The following SELENON variants were observed in gnomAD, a reference collection of about 807,000 sequenced individuals.
SELENON encodes selenoprotein N, 1.
A neutral mutation model predicts 59.5 loss-of-function variants in SELENON; 44 were observed. The observed-to-expected ratio is 0.74, with a 90% confidence interval of 0.58 to 0.95. The LOEUF (loss-of-function observed/expected upper bound fraction) is 0.95, where lower values mean the gene tolerates loss of function less well. Ranked by LOEUF, SELENON falls within the 40% of genes least tolerant of loss-of-function variation. The pLI, the probability that SELENON is intolerant of heterozygous loss-of-function variation, is 0.00. For synonymous variants in SELENON, 320 were observed against 305.6 expected (o/e 1.05, Z -0.49); for missense variants, 674 against 721.4 (o/e 0.93, Z 0.75).
intron 12 of SELENON, among the ~76,000 whole-genome samples, chr1:25,814,430 C>T (rs775303555): frequency 9.2e-5 from 14 of 152,212 alleles, no homozygotes; most frequent in Middle Eastern, 3.2e-3. Context: ...GCAGAGTCAG[C>T]GCCTCCCTAG....
In SELENON at chr1:25,815,568, C is replaced by T. The variant is rs199911454; in HGVS notation, c.1623C>T (p.Asn541=). ...CCCAGGTCCATCACATCAATGCCAA[C>T]TACTTCTTGGACATCACCTCCGTGA... The change falls in exon 13 of 13, where the codon AAC becomes AAT. Residue 541 remains asparagine (N), a synonymous_variant. Coordinates refer to ENST00000361547, the MANE Select transcript of SELENON (RefSeq NM_020451.3). 7.6e-4 allele frequency: 1,233 copies of T among 1,614,196 alleles called. 1 individual carries two copies. Among genetic ancestry groups the T allele is most frequent in the Non-Finnish European group, 9.0e-4 (1,061 of 1,180,032 alleles).
chr1:25,815,165 C>G (rs2124456228), intron 12 of SELENON, among the ~76,000 whole-genome samples: 1 of 152,062 alleles, frequency 6.6e-6, no homozygotes, highest in East Asian at 1.9e-4. Flanking sequence ...GAGCGAGAGG[C>G]CAAAGGAGAG....
At chr1:25,810,116 GC>G (rs2047945916) in intron 7 of SELENON, among the ~76,000 whole-genome samples, 1 of 152,180 alleles carries the variant, frequency 6.6e-6, no homozygotes, top group African/African-American at 2.4e-5. Context: ...CTGCTGACAG[GC>G]CCCAGGCAGA....
At position 25,817,414 on chromosome 1, in the gene SELENON, C is replaced by T. The variant is rs965064418; in HGVS notation, c.*1696C>T. 1 of 152,222 alleles carries T rather than the reference C, an allele frequency of 6.6e-6. No homozygotes were observed. Among genetic ancestry groups the T allele is most frequent in the Non-Finnish European group, 1.5e-5 (1 of 68,078 alleles). 9.4% of individuals were successfully genotyped at this position (152,222 alleles called of 1,614,324 possible). On this transcript the variant is annotated 3_prime_UTR_variant, in exon 13 of 13. Coordinates refer to ENST00000361547, the MANE Select transcript of SELENON (RefSeq NM_020451.3). ...ATTTTTAGTAGAGATGGGGTTTCAC[C>T]ATATTGGTCAGGCTGATCTGGAACT... is the stretch of plus-strand genomic sequence containing the variant.
chr1:25,808,613 T>G lies in SELENON; in HGVS notation c.571T>G (p.Trp191Gly), dbSNP rs2047929631. The change falls in exon 5 of 13, where the codon TGG becomes GGG. Residue 191 changes from tryptophan (W) to glycine (G), a missense_variant. Transcript: ENST00000361547. ...CCTCGCCCTGTCCGGCCTCCGAAACTGGACAGCCGCCGCCTCACCAAGTGC... is the reference window on the plus strand; with the variant it reads ...CCTCGCCCTGTCCGGCCTCCGAAACGGGACAGCCGCCGCCTCACCAAGTGC... 1 of 1,613,464 alleles carries G rather than the reference T, an allele frequency of 6.2e-7. No individual in the cohort carries two copies. Among genetic ancestry groups the G allele is most frequent in the South Asian group, 1.1e-5 (1 of 91,082 alleles).
chr1:25,814,367 G>A (rs1002157189), intron 12 of SELENON, among the ~76,000 whole-genome samples, 189 bp downstream of exon 11: 2 of 152,246 alleles, frequency 1.3e-5, no homozygotes, highest in South Asian at 2.1e-4. Context: ...AACAGGAATC[G>A]TGATGCAGGT....
chr1:25,811,349 T>C, intron 7 of SELENON, 105 bp from the exon 7 acceptor site: 2 of 1,015,114 alleles, frequency 2.0e-6, no homozygotes, highest in South Asian at 1.3e-5. Flanking sequence ...GAAACCTCAG[T>C]GTCCTCATCT....
rs1328030379 is a variant in SELENON, at chr1:25,815,712, G to A, written c.1767G>A (p.Gln589=). Residue 589 remains glutamine, a synonymous_variant, in exon 13 of 13, where the codon CAG becomes CAA. Transcript: ENST00000361547. The stretch of plus-strand genomic sequence containing the variant: ...TCCGGCGTGGCCTGCCCCTCCTCCA[G>A]CCCTAGAGTGCCTGGACGGGATCTG... 1.9e-6 allele frequency: 3 copies of A among 1,613,836 alleles called. No individual in the cohort carries two copies. Among genetic ancestry groups the A allele is most frequent in the Non-Finnish European group, 2.5e-6 (3 of 1,180,010 alleles).
chr1:25,805,271 TA>T lies in SELENON; in HGVS notation c.534del (p.Val180SerfsTer?). 1 of 1,613,992 alleles carries T rather than the reference TA, an allele frequency of 6.2e-7. No individual in the cohort carries two copies. The highest frequency in any genetic ancestry group is 1.3e-5 in the African/African-American group (1 of 75,040). On this transcript the variant is annotated frameshift_variant, in exon 4 of 13. Coordinates refer to ENST00000361547, the MANE Select transcript of SELENON (RefSeq NM_020451.3). LOFTEE classifies it high-confidence loss of function. ...ATGACCAAGAGCAAAGATGGCTTCC[TA>T]GGGGTGAGTTGGGGACCACAGGCAG...
In SELENON at chr1:25,817,556, A is replaced by G. The variant is rs528560629; in HGVS notation, c.*1838A>G. ...ATCATCCAGTCATCGCTAATATTAC[A>G]CGCACCTTCTCACTTAATCCTCACG... On this transcript the variant is annotated 3_prime_UTR_variant, in exon 13 of 13. Transcript: ENST00000361547. The G allele has an allele frequency of 6.6e-6, 1 of 152,284 alleles. No homozygotes were observed. The highest frequency in any genetic ancestry group is 1.5e-5 in the Non-Finnish European group (1 of 68,040). The allele number at this position is 152,284 out of a possible 1,614,324, so 9.4% of individuals were successfully genotyped here. A position where few individuals can be genotyped will look rare whatever the true frequency, so the allele number is the denominator to read the frequency against.
Position 25,808,594 on chromosome 1 carries a change from C to T in SELENON, c.552C>T (p.Ala184=), listed in dbSNP as rs771396005. ...CCCCGCCCCAGGTCTCCCGCCTCGCCCTGTCCGGCCTCCGAAACTGGACAG... is the reference window on the plus strand; with the variant it reads ...CCCCGCCCCAGGTCTCCCGCCTCGCTCTGTCCGGCCTCCGAAACTGGACAG... The change falls in exon 5 of 13, where the codon GCC becomes GCT. Residue 184 remains alanine, a synonymous_variant. Transcript: ENST00000361547. The T allele has an allele frequency of 6.2e-7, 1 of 1,613,762 alleles. No homozygotes were observed. The highest frequency in any genetic ancestry group is 1.7e-5 in the Admixed American group (1 of 60,030).
Position 25,808,453 on chromosome 1 carries a change from C to T in SELENON, c.538-127C>T, listed in dbSNP as rs1557429765. Reference sequence around the variant, plus strand: ...TGGCCATCATAAGGGCAGGAACCTCCCTGGGGTCCATCTGCTCCCTTGGTG... The same window carrying T: ...TGGCCATCATAAGGGCAGGAACCTCTCTGGGGTCCATCTGCTCCCTTGGTG... On this transcript the variant is annotated intron_variant, in intron 4 of 12. Transcript: ENST00000361547. 3 of 1,068,092 alleles carry T rather than the reference C, an allele frequency of 2.8e-6. No individual in the cohort carries two copies. The Admixed American group carries it at 5.3e-5, about 19-fold the overall frequency. 66.2% of individuals were successfully genotyped at this position (1,068,092 alleles called of 1,614,324 possible).
chr1:25,813,302 C>T (rs1557433363), intron 10 of SELENON, among the ~76,000 whole-genome samples: 1 of 152,136 alleles, frequency 6.6e-6, no homozygotes, highest in Admixed American at 6.5e-5. Flanking sequence ...ACCCTCACCC[C>T]GTCAACCGTC....
chr1:25,811,718 G>A lies in SELENON; in HGVS notation c.1120G>A (p.Val374Met). Residue 374 changes from valine (V) to methionine (M), a missense_variant, in exon 9 of 13, where the codon GTG (valine) becomes ATG (methionine). Coordinates refer to ENST00000361547, the MANE Select transcript of SELENON (RefSeq NM_020451.3). ...GGAGCTGGAGGCCACGGGCCCCTCT[G>A]TGCCCTCCGTGATCCTGGATGAGGA... The A allele has an allele frequency of 6.2e-7, 1 of 1,607,314 alleles. No individual in the cohort carries two copies. Among genetic ancestry groups the A allele is most frequent in the Non-Finnish European group, 8.5e-7 (1 of 1,177,234 alleles).
rs1313051869 is a variant in SELENON, at chr1:25,801,027, C to G, written c.184-16C>G. ...GCCGCCAAATGGTGCCCAGCCCAGT[C>G]TCTCCTCCCAAGCAGGAACTGGCGC... On this transcript the variant is annotated splice_polypyrimidine_tract_variant and intron_variant, in intron 1 of 12. Transcript: ENST00000361547. 6.2e-7 allele frequency: 1 copy of G among 1,608,166 alleles called. No individual in the cohort carries two copies. Among genetic ancestry groups the G allele is most frequent in the Non-Finnish European group, 8.5e-7 (1 of 1,174,624 alleles).
Position 25,801,199 on chromosome 1 carries a change from T to C in SELENON, c.301+39T>C. On this transcript the variant is annotated intron_variant, in intron 2 of 12. Transcript: ENST00000361547. ...CTGGCGGCTGGGGAGGAGGGCGCCTTGGCCAACGGTGTCTTCACTGAGCAG... is the reference window on the plus strand; with the variant it reads ...CTGGCGGCTGGGGAGGAGGGCGCCTCGGCCAACGGTGTCTTCACTGAGCAG... The C allele has an allele frequency of 2.0e-6, 3 of 1,494,704 alleles. No homozygotes were observed. The South Asian group carries it at 3.4e-5, about 17-fold the overall frequency. 92.6% of individuals were successfully genotyped at this position (1,494,704 alleles called of 1,614,324 possible).
At chr1:25,804,644 G>GCCCC (rs1242099442) in intron 3 of SELENON, among the ~76,000 whole-genome samples, 11 of 61,288 alleles carry the variant, frequency 1.8e-4, no homozygotes, top group African/African-American at 7.0e-4. Flanking sequence ...TGCCCCCCCC[G>GCCCC]CCCCCCCCCC....
chr1:25,808,482 G>A, intron 4 of SELENON, 98 bp from the exon 4 acceptor site: 2 of 1,418,170 alleles, frequency 1.4e-6, no homozygotes, highest in Non-Finnish European at 2.0e-6. Context: ...CTTGGTGTGG[G>A]CTGGCTCGGG....
At position 25,816,339 on chromosome 1, in the gene SELENON, T is replaced by A. The variant is rs2048010878; in HGVS notation, c.*621T>A. 1 of 152,836 alleles carries A rather than the reference T, an allele frequency of 6.5e-6. No individual in the cohort carries two copies. The highest frequency in any genetic ancestry group is 2.4e-5 in the African/African-American group (1 of 41,444). The allele number at this position is 152,836 out of a possible 1,614,324, so 9.5% of individuals were successfully genotyped here. A position where few individuals can be genotyped will look rare whatever the true frequency, so the allele number is the denominator to read the frequency against. On this transcript the variant is annotated 3_prime_UTR_variant, in exon 13 of 13. Transcript: ENST00000361547. ...AAATCAGACGGGACCCCCTGCAGCT[T>A]CCCTGACCACGCCACTGACCAGCTA...
Sources: allele counts gnomAD v4.1 joint callset (sites outside exome capture counted in the v4.1 genomes callset), GRCh38; gene constraint gnomAD v4.1.1; transcripts MANE v1.5; gene names NCBI Gene and HGNC (gene_info 2026-07-23, HGNC 2026-07-21).